The following SLC25A40 variants were observed in gnomAD, a reference collection of about 807,000 sequenced individuals.
SLC25A40 encodes mitochondrial glutathione transporter SLC25A40.
A neutral mutation model predicts 46.5 loss-of-function variants in SLC25A40; 41 were observed. That is an observed-to-expected ratio of 0.88 (90% confidence interval 0.69 to 1.14). The LOEUF is 1.14. Ranked by LOEUF, SLC25A40 falls within the 50% of genes most tolerant of loss-of-function variation. The pLI is 0.00. For missense variants in SLC25A40, 386 were observed against 393.6 expected (o/e 0.98, Z 0.16); for synonymous variants, 126 against 127.5 (o/e 0.99, Z 0.08).
intron 5 of SLC25A40, among the ~76,000 whole-genome samples, chr7:87,853,740 T>C (rs1838556056): frequency 6.6e-6 from 1 of 152,172 alleles, no homozygotes; most frequent in South Asian, 2.1e-4. Context: ...CAAAATTATA[T>C]AAATGAAGAA....
rs765125668 is a variant in SLC25A40 at position 87,854,350 on chromosome 7, T to C, written c.158-40A>G. 2.6e-6 allele frequency: 3 copies of C among 1,172,070 alleles called. No homozygotes were observed. In the East Asian group the frequency reaches 7.4e-5, roughly 29 times the overall value. 72.6% of individuals were successfully genotyped at this position (1,172,070 alleles called of 1,614,324 possible). A position where few individuals can be genotyped will look rare whatever the true frequency, so the allele number is the denominator to read the frequency against. The stretch of plus-strand genomic sequence containing the variant: ...TCCAACAACCAACAATTACCTCACA[T>C]AACTGTTATTATTTTTACAGATGAA... On this transcript the variant is annotated intron_variant, in intron 4 of 11. Coordinates refer to ENST00000341119, the MANE Select transcript of SLC25A40 (RefSeq NM_018843.4).
At chr7:87,871,657 C>T (rs1838897647) in intron 1 of SLC25A40, among the ~76,000 whole-genome samples, 1 of 152,084 alleles carries the variant, frequency 6.6e-6, no homozygotes, top group South Asian at 2.1e-4. Context: ...TGGAATAAAC[C>T]TCCATTTACT....
intron 5 of SLC25A40, 33 bp downstream of exon 5, chr7:87,854,171 A>C (rs1383795917): frequency 7.5e-7 from 1 of 1,340,420 alleles, no homozygotes; most frequent in East Asian, 2.3e-5. Context: ...AATAGAAAAT[A>C]TACTGTGATT....
chr7:87,862,036 C>T (rs116951683), intron 1 of SLC25A40, among the ~76,000 whole-genome samples: 12 of 152,064 alleles, frequency 7.9e-5, no homozygotes, highest in Non-Finnish European at 1.5e-4. Flanking sequence ...AAAGGCAAAA[C>T]GCTACTCCCA....
chr7:87,854,248 T>C lies in SLC25A40; in HGVS notation c.220A>G (p.Asn74Asp), dbSNP rs960023216. The C allele has an allele frequency of 8.7e-6, 14 of 1,613,366 alleles. No homozygotes were observed. In the Admixed American group the frequency reaches 1.0e-4, roughly 12 times the overall value. The change falls in exon 5 of 12, where the codon AAC (asparagine) becomes GAC (aspartate). Residue 74 changes from asparagine to aspartate, a missense_variant. Asn to Asp is a conservative substitution (Grantham distance 23, BLOSUM62 1). Transcript: ENST00000341119. ...CCTGGCTTCTTATACCATAGTTTGT[T>C]GCCTCCCTCTTCACAGACACATAGA... ...DHLCVCEEGG[N>D]KLWYKKPGNF...
In SLC25A40 at chr7:87,842,092, G is replaced by A. The variant is rs542123541; in HGVS notation, c.742-378C>T. 2.0e-3 allele frequency: 630 copies of A among 316,376 alleles called. 2 individuals carry two copies. Among genetic ancestry groups the A allele is most frequent in the Non-Finnish European group, 3.0e-3 (466 of 155,946 alleles). 19.6% of individuals were successfully genotyped at this position (316,376 alleles called of 1,614,324 possible). A position where few individuals can be genotyped will look rare whatever the true frequency, so the allele number is the denominator to read the frequency against. Reference sequence around the variant, plus strand: ...CATATGTCAAAGCAGAAATTCTCAAGTATCTAGTGAGCATTTAAAAATTTC... The same window carrying A: ...CATATGTCAAAGCAGAAATTCTCAAATATCTAGTGAGCATTTAAAAATTTC... On this transcript the variant is annotated intron_variant, in intron 9 of 11. Transcript: ENST00000341119.
intron 1 of SLC25A40, among the ~76,000 whole-genome samples, chr7:87,867,440 T>G (rs1562750478): frequency 1.3e-5 from 2 of 152,220 alleles, no homozygotes; most frequent in Non-Finnish European, 2.9e-5. Flanking sequence ...GATTTCATTT[T>G]TAAAAACAAT....
chr7:87,859,365 C>A (rs1838662671), intron 2 of SLC25A40, among the ~76,000 whole-genome samples: 1 of 152,046 alleles, frequency 6.6e-6, no homozygotes, highest in Non-Finnish European at 1.5e-5. Context: ...TGGCGTGAAC[C>A]CAGGAGGCGG....
Position 87,836,759 on chromosome 7 carries a change from G to A in SLC25A40, c.875C>T (p.Ala292Val), listed in dbSNP as rs1162509378. Residue 292 changes from alanine to valine, a missense_variant, in exon 11 of 12, where the codon GCT (alanine) becomes GTT (valine). Physicochemically the swap from Ala to Val is moderately conservative, Grantham distance 64. Transcript: ENST00000341119. ...AAATAATCCGGAAAATCCATTTTTA[G>A]CAACAATGTTCTTCATTATAATCCA... The part of the protein sequence containing the change: ...STWIIMKNIV[A>V]KNGFSGLFSG... 6.5e-7 allele frequency: 1 copy of A among 1,546,072 alleles called. No homozygotes were observed. The highest frequency in any genetic ancestry group is 8.7e-7 in the Non-Finnish European group (1 of 1,150,514).
At chr7:87,857,580 AT>A (rs1838633792) in intron 3 of SLC25A40, among the ~76,000 whole-genome samples, 1 of 152,218 alleles carries the variant, frequency 6.6e-6, no homozygotes, top group Non-Finnish European at 1.5e-5. Flanking sequence ...AGGAACATAA[AT>A]TCTGAAGATT....
At chr7:87,841,849 T>C in intron 9 of SLC25A40, 135 bp from the exon 10 acceptor site, 1 of 410,970 alleles carries the variant, frequency 2.4e-6, no homozygotes, top group South Asian at 5.6e-5. Context: ...ATAATATATA[T>C]ATTTTTAAGT....
chr7:87,836,309 A>G lies in SLC25A40; in HGVS notation c.957T>C (p.Ser319=). ...KIAPACAIMI[S]TYEFGKAFFQ... ...AAAAAGCCTTTCCAAATTCATATGT[A>G]CTGATCATAATGGCACAAGCAGGAG... is the stretch of plus-strand genomic sequence containing the variant. Residue 319 remains serine, a synonymous_variant, in exon 12 of 12, where the codon AGT becomes AGC. Coordinates refer to ENST00000341119, the MANE Select transcript of SLC25A40 (RefSeq NM_018843.4). The G allele has an allele frequency of 1.3e-6, 2 of 1,579,542 alleles. No individual in the cohort carries two copies. The highest frequency in any genetic ancestry group is 1.7e-6 in the Non-Finnish European group (2 of 1,166,232).
intron 1 of SLC25A40, among the ~76,000 whole-genome samples, chr7:87,866,206 C>T (rs541465647): frequency 5.3e-5 from 8 of 152,208 alleles, no homozygotes; most frequent in African/African-American, 1.9e-4. Flanking sequence ...TTCCCTTTAG[C>T]GTTTCTTGTA....
intron 9 of SLC25A40, 77 bp downstream of exon 9, chr7:87,843,677 A>T: frequency 9.4e-7 from 1 of 1,058,822 alleles, no homozygotes; most frequent in Admixed American, 2.1e-5. Flanking sequence ...CTCAATATAC[A>T]TGAGATGCTA....
chr7:87,873,065 A>G (rs1232529994), intron 1 of SLC25A40, among the ~76,000 whole-genome samples: 1 of 152,256 alleles, frequency 6.6e-6, no homozygotes, highest in Non-Finnish European at 1.5e-5. Context: ...GTGAAAATTA[A>G]TAAAAATAGA....
At chr7:87,864,784 C>T (rs186624490) in intron 1 of SLC25A40, among the ~76,000 whole-genome samples, 1 of 152,126 alleles carries the variant, frequency 6.6e-6, no homozygotes, top group South Asian at 2.1e-4. Flanking sequence ...TGTCTTTAAG[C>T]TGAGAACTGA....
In SLC25A40 at chr7:87,854,247, T is replaced by C; in HGVS notation, c.221A>G (p.Asn74Ser). Reference protein sequence around the residue: ...DHLCVCEEGGNKLWYKKPGNF... With the variant: ...DHLCVCEEGGSKLWYKKPGNF... Reference sequence around the variant, plus strand: ...TCCTGGCTTCTTATACCATAGTTTGTTGCCTCCCTCTTCACAGACACATAG... The same window carrying C: ...TCCTGGCTTCTTATACCATAGTTTGCTGCCTCCCTCTTCACAGACACATAG... The change falls in exon 5 of 12, where the codon AAC (asparagine) becomes AGC (serine). Residue 74 changes from asparagine (N) to serine (S), a missense_variant. Coordinates refer to ENST00000341119, the MANE Select transcript of SLC25A40 (RefSeq NM_018843.4). 6.2e-7 allele frequency: 1 copy of C among 1,613,474 alleles called. No individual in the cohort carries two copies. Among genetic ancestry groups the C allele is most frequent in the Non-Finnish European group, 8.5e-7 (1 of 1,179,554 alleles).
chr7:87,837,707 A>G (rs569624124), intron 10 of SLC25A40, among the ~76,000 whole-genome samples: 7 of 151,308 alleles, frequency 4.6e-5, no homozygotes, highest in East Asian at 1.9e-4. Flanking sequence ...ACTAGATGCA[A>G]TAAGATTAAA....
In SLC25A40 at chr7:87,858,152, T is replaced by C. The variant is rs554995454; in HGVS notation, c.97+479A>G. Among the ~76,000 whole-genome samples the C allele has an allele frequency of 4.6e-5, 7 of 152,282 alleles. No homozygotes were observed. In the South Asian group the frequency reaches 1.5e-3, roughly 32 times the overall value. ...AGACTGGATCTCTGCTCTCAAACCC[T>C]CTTTTCTGTTGTTTAAGATGTTTAT... On this transcript the variant is annotated intron_variant, in intron 3 of 11. Coordinates refer to ENST00000341119, the MANE Select transcript of SLC25A40 (RefSeq NM_018843.4).
Sources: allele counts gnomAD v4.1 joint callset (sites outside exome capture counted in the v4.1 genomes callset), GRCh38; gene constraint gnomAD v4.1.1; transcripts MANE v1.5; gene names NCBI Gene and HGNC (gene_info 2026-07-23, HGNC 2026-07-21).